The following NEBL variants were observed in gnomAD, a reference collection of about 807,000 sequenced individuals.
NEBL encodes the protein nebulette.
Under a neutral mutation model 140.2 loss-of-function variants are expected in NEBL, and 122 were observed. That is an observed-to-expected ratio of 0.87 (90% CI 0.75 to 1.01). The LOEUF is 1.01. NEBL is among the 50% of genes least tolerant of loss of function. NEBL has a pLI of 0.00. For missense variants in NEBL, 1,365 were observed against 1,231.3 expected, an observed-to-expected ratio of 1.11 and a Z score of -1.62; for synonymous variants, 436 against 398.9, an observed-to-expected ratio of 1.09 and a Z score of -1.11.
intron 2 of NEBL, among the ~76,000 whole-genome samples, chr10:21,141,880 T>A (rs531870554): frequency 6.6e-6 from 1 of 152,286 alleles, no homozygotes; most frequent in Admixed American, 6.5e-5. Flanking sequence ...ACCCATAGGG[T>A]GCCTGAGGTC....
intron 2 of NEBL, among the ~76,000 whole-genome samples, chr10:20,894,498 A>T (rs1002070070): frequency 1.3e-5 from 2 of 151,854 alleles, no homozygotes; most frequent in African/African-American, 4.8e-5. Flanking sequence ...AGAAGGAAGG[A>T]AGGAAAAAAA....
upstream of NEBL, among the ~76,000 whole-genome samples, chr10:20,901,622 A>T (rs1165393446): frequency 1.3e-5 from 2 of 152,240 alleles, no homozygotes; most frequent in African/African-American, 2.4e-5. Context: ...TTTTAACTTT[A>T]AAAATGAATT....
At chr10:20,998,858 T>G (rs1837772123) in intron 3 of NEBL, among the ~76,000 whole-genome samples, 1 of 152,146 alleles carries the variant, frequency 6.6e-6, no homozygotes, top group Non-Finnish European at 1.5e-5. Flanking sequence ...CTAACTTCTG[T>G]CAGTCTGATA....
intron 2 of NEBL, among the ~76,000 whole-genome samples, chr10:21,039,491 C>T (rs898819675): frequency 5.3e-5 from 8 of 152,062 alleles, no homozygotes; most frequent in Non-Finnish European, 1.0e-4. Flanking sequence ...ATCCTTTCCC[C>T]TTTGTTTTTG....
At chr10:21,169,647 C>T (rs1203079466) in intron 2 of NEBL, among the ~76,000 whole-genome samples, 1 of 152,154 alleles carries the variant, frequency 6.6e-6, no homozygotes, top group Non-Finnish European at 1.5e-5. Context: ...CTAGAGTTAG[C>T]ATATGACATG....
chr10:20,948,529 T>TA (rs1835287615), intron 4 of NEBL, among the ~76,000 whole-genome samples: 1 of 152,206 alleles, frequency 6.6e-6, no homozygotes, highest in Non-Finnish European at 1.5e-5. Flanking sequence ...GTGAAATAGT[T>TA]ATGGAAGTGT....
rs1840073629 is a variant in NEBL at position 21,149,953 on chromosome 10, G to A, written c.164+22430C>T. 1.3e-5 allele frequency among the ~76,000 whole-genome samples: 2 copies of A among 152,194 alleles called. 1 individual carries two copies. The highest frequency in any genetic ancestry group is 4.1e-4 in the South Asian group (2 of 4,828). ...ACAGAATTCTTCTGTGTTGATTGCT[G>A]TGGGGTAAAAGCAGAGGAAAAACAG... On this transcript the variant is annotated intron_variant, in intron 2 of 6. Coordinates refer to the NEBL transcript ENST00000417816.
At chr10:20,892,771 A>C (rs1029877498) in intron 2 of NEBL, among the ~76,000 whole-genome samples, 2 of 152,234 alleles carry the variant, frequency 1.3e-5, no homozygotes, top group African/African-American at 4.8e-5. Context: ...AAAGGCTGAA[A>C]TCGGATGACA....
chr10:21,117,391 C>A (rs1412559087), intron 2 of NEBL, among the ~76,000 whole-genome samples: 3 of 152,144 alleles, frequency 2.0e-5, no homozygotes, highest in African/African-American at 7.2e-5. Context: ...TTGGTTAGAT[C>A]TCTTCTAACC....
intron 3 of NEBL, among the ~76,000 whole-genome samples, chr10:20,992,692 T>C (rs1056776002): frequency 1.3e-5 from 2 of 151,568 alleles, no homozygotes; most frequent in Non-Finnish European, 2.9e-5. Flanking sequence ...CTGAGCTACT[T>C]ACTATCCTCT....
At chr10:21,118,620 T>C (rs1464678135) in intron 2 of NEBL, among the ~76,000 whole-genome samples, 1 of 151,988 alleles carries the variant, frequency 6.6e-6, no homozygotes, top group Non-Finnish European at 1.5e-5. Flanking sequence ...TTTGTTTCTT[T>C]ACTGAAAAAA....
At chr10:20,924,486 C>G (rs1030068002) in intron 4 of NEBL, among the ~76,000 whole-genome samples, 11 of 141,038 alleles carry the variant, frequency 7.8e-5, no homozygotes, top group Non-Finnish European at 1.4e-4. Flanking sequence ...AAATAAGCTC[C>G]TCGGAAGAGA....
chr10:21,070,002 T>A (rs1341913401), intron 2 of NEBL: 1 of 456,228 alleles, frequency 2.2e-6, no homozygotes, highest in Non-Finnish European at 4.4e-6. Context: ...CCACTCATAA[T>A]AGAAATGAAG....
intron 13 of NEBL, among the ~76,000 whole-genome samples, chr10:20,839,048 A>G (rs2130957953): frequency 6.6e-6 from 1 of 152,250 alleles, no homozygotes; most frequent in Non-Finnish European, 1.5e-5. Context: ...GTGTGTCTGT[A>G]CCTCCATGTA....
intron 26 of NEBL, among the ~76,000 whole-genome samples, chr10:20,796,247 C>T (rs1836509533): frequency 6.6e-6 from 1 of 151,436 alleles, no homozygotes; most frequent in Non-Finnish European, 1.5e-5. Flanking sequence ...CCCGTTATCC[C>T]AGCTTCTCAG....
chr10:21,266,969 G>GT (rs933483716), intron 1 of NEBL, among the ~76,000 whole-genome samples: 4 of 151,456 alleles, frequency 2.6e-5, no homozygotes, highest in African/African-American at 7.3e-5. Flanking sequence ...TTTATTTGGG[G>GT]TTTTTTTTGT....
chr10:21,066,890 A>T (rs1662886399), intron 2 of NEBL, among the ~76,000 whole-genome samples: 1 of 151,898 alleles, frequency 6.6e-6, no homozygotes, highest in Non-Finnish European at 1.5e-5. Context: ...AACTTTTAGC[A>T]TCATGTTCAG....
chr10:20,927,341 T>C (rs1298177954), intron 4 of NEBL, among the ~76,000 whole-genome samples: 1 of 152,254 alleles, frequency 6.6e-6, no homozygotes, highest in East Asian at 1.9e-4. Context: ...AAAGATTCTT[T>C]ATGAAATCTT....
chr10:20,889,593 G>A (rs184807215), intron 3 of NEBL, among the ~76,000 whole-genome samples: 5 of 152,096 alleles, frequency 3.3e-5, no homozygotes, highest in East Asian at 3.9e-4. Flanking sequence ...AAGAGGAATC[G>A]TATATAAATA....
Sources: gnomAD v4.1 joint callset for allele counts (sites outside exome capture counted in the v4.1 genomes callset) on GRCh38, gnomAD v4.1.1 for gene constraint, MANE v1.5 for transcripts, NCBI Gene and HGNC (gene_info 2026-07-23, HGNC 2026-07-21) for gene names.